SHROOM3: variants seen among roughly 807,000 people sequenced by gnomAD.
SHROOM3 encodes protein Shroom3.
In SHROOM3, 47 loss-of-function variants were observed where a neutral mutation model predicts 138.6. That is an observed-to-expected ratio of 0.34 (90% CI 0.27 to 0.43). The LOEUF (loss-of-function observed/expected upper bound fraction) is 0.43, where lower values mean the gene tolerates loss of function less well. Ranked by LOEUF, SHROOM3 falls within the 20% of genes least tolerant of loss-of-function variation. The pLI is 1.00. For missense variants in SHROOM3, 2,491 were observed against 2,596.5 expected (o/e 0.96, Z 0.88); for synonymous variants, 1,062 against 1,063.3 (o/e 1.00, Z 0.02).
chr4:76,468,653 T>A (rs1731297432), intron 1 of SHROOM3, among the ~76,000 whole-genome samples: 1 of 151,896 alleles, frequency 6.6e-6, no homozygotes, highest in Non-Finnish European at 1.5e-5. Context: ...AGCAAGATTA[T>A]GTTGTTAAAG....
At position 76,759,645 on chromosome 4, in the gene SHROOM3, C is replaced by A; in HGVS notation, c.5299C>A (p.Pro1767Thr). The A allele has an allele frequency of 6.2e-7, 1 of 1,614,020 alleles. No homozygotes were observed. Among genetic ancestry groups the A allele is most frequent in the Non-Finnish European group, 8.5e-7 (1 of 1,180,012 alleles). The change falls in exon 9 of 11, where the codon CCA (proline) becomes ACA (threonine). Residue 1767 changes from proline to threonine, a missense_variant. Pro to Thr is a conservative substitution (Grantham distance 38, BLOSUM62 -1). Coordinates refer to ENST00000296043, the MANE Select transcript of SHROOM3 (RefSeq NM_020859.4). ...GCTACTGAACAAAATCAAAGAGATGCCAGCAGAAGTGAATGAGGAAGAGGA... is the reference window on the plus strand; with the variant it reads ...GCTACTGAACAAAATCAAAGAGATGACAGCAGAAGTGAATGAGGAAGAGGA... ...AELLNKIKEM[P>T]AEVNEEEEQA...
At chr4:76,777,899 C>T (rs1254158441) in intron 10 of SHROOM3, among the ~76,000 whole-genome samples, 3 of 152,120 alleles carry the variant, frequency 2.0e-5, no homozygotes, top group Non-Finnish European at 1.5e-5. Flanking sequence ...CATTGTTGAA[C>T]AGAATTTCTC....
chr4:76,710,345 C>A, intron 3 of SHROOM3, 58 bp downstream of exon 3: 3 of 1,605,168 alleles, frequency 1.9e-6, no homozygotes, highest in South Asian at 1.1e-5. Context: ...TCCAAAAAGC[C>A]ACTCAGCTGC....
At chr4:76,480,847 C>T (rs1731593497) in intron 1 of SHROOM3, among the ~76,000 whole-genome samples, 1 of 152,172 alleles carries the variant, frequency 6.6e-6, no homozygotes, top group Non-Finnish European at 1.5e-5. Flanking sequence ...AACCGAACAG[C>T]TACATGGAAA....
At position 76,782,334 on chromosome 4, in the gene SHROOM3, A is replaced by C. The variant is rs896277637; in HGVS notation, c.*3157A>C. The C allele has an allele frequency of 6.6e-6, 1 of 152,342 alleles. No individual in the cohort carries two copies. Among genetic ancestry groups the C allele is most frequent in the Admixed American group, 6.5e-5 (1 of 15,300 alleles). The allele number at this position is 152,342 out of a possible 1,614,324, so 9.4% of individuals were successfully genotyped here. On this transcript the variant is annotated 3_prime_UTR_variant, in exon 11 of 11. Transcript: ENST00000296043. ...AACAAGTTTGGGTCCACCCCTAAGA[A>C]TCAGTGGCTGTCTTTTAAGGTGAGG...
intron 2 of SHROOM3, among the ~76,000 whole-genome samples, chr4:76,682,565 C>T: frequency 6.6e-6 from 1 of 151,844 alleles, no homozygotes; most frequent in Admixed American, 6.6e-5. Flanking sequence ...TATCCCTATC[C>T]CTGGCATATA....
intron 3 of SHROOM3, among the ~76,000 whole-genome samples, chr4:76,729,980 A>C (rs997845129): frequency 6.6e-6 from 1 of 152,218 alleles, no homozygotes; most frequent in African/African-American, 2.4e-5. Context: ...ACAGTCTTAC[A>C]GTTCAAGAAT....
chr4:76,716,193 C>T, intron 3 of SHROOM3: 1 of 425,350 alleles, frequency 2.4e-6, no homozygotes, highest in Non-Finnish European at 4.7e-6. Context: ...ACAGAGGGGA[C>T]TGGCATTGAG....
At chr4:76,716,419 A>G (rs1332423990) in intron 3 of SHROOM3, 2 of 518,868 alleles carry the variant, frequency 3.9e-6, no homozygotes, top group South Asian at 1.4e-5. Flanking sequence ...AGGTAAGTTC[A>G]GTATTGTGTT....
At chr4:76,483,886 A>C (rs1473354330) in intron 1 of SHROOM3, among the ~76,000 whole-genome samples, 1 of 152,010 alleles carries the variant, frequency 6.6e-6, no homozygotes, top group Non-Finnish European at 1.5e-5. Flanking sequence ...GCAAACTAAC[A>C]CAGTAACAGA....
intron 7 of SHROOM3, 30 bp from the exon 8 acceptor site, chr4:76,756,413 CTCTCTT>C (rs771504689): frequency 1.5e-5 from 23 of 1,512,496 alleles, no homozygotes; most frequent in Admixed American, 2.0e-5. Flanking sequence ...CTTTCTCTCT[CTCTCTT>C]TTTTTTTTTT....
At chr4:76,505,573 T>C (rs976585798) in intron 1 of SHROOM3, among the ~76,000 whole-genome samples, 1 of 151,208 alleles carries the variant, frequency 6.6e-6, no homozygotes, top group Non-Finnish European at 1.5e-5. Flanking sequence ...TAATAAATAA[T>C]AATACAACAA....
chr4:76,712,610 A>G (rs1301044993), intron 3 of SHROOM3, among the ~76,000 whole-genome samples: 1 of 152,238 alleles, frequency 6.6e-6, no homozygotes, highest in Non-Finnish European at 1.5e-5. Context: ...TATGGAGAAC[A>G]TAAGCGACAA....
chr4:76,582,570 C>T (rs1248538317), intron 2 of SHROOM3, among the ~76,000 whole-genome samples: 1 of 152,148 alleles, frequency 6.6e-6, no homozygotes, highest in African/African-American at 2.4e-5. Flanking sequence ...AACAGAGTAA[C>T]ATAAAACTCT....
chr4:76,731,285 C>A (rs1181263431), intron 4 of SHROOM3, among the ~76,000 whole-genome samples: 1 of 152,124 alleles, frequency 6.6e-6, no homozygotes, highest in Non-Finnish European at 1.5e-5. Context: ...CTGCCTTAGT[C>A]AAAACCGTAT....
At chr4:76,675,217 C>G (rs143419100) in intron 2 of SHROOM3, among the ~76,000 whole-genome samples, 1 of 152,074 alleles carries the variant, frequency 6.6e-6, no homozygotes, top group African/African-American at 2.4e-5. Context: ...AGTCCAGATG[C>G]GTATTAGCAC....
At chr4:76,699,260 T>C (rs1452683263) in intron 2 of SHROOM3, among the ~76,000 whole-genome samples, 1 of 152,228 alleles carries the variant, frequency 6.6e-6, no homozygotes, top group Non-Finnish European at 1.5e-5. Context: ...CTGTCTTTTA[T>C]TCTACACCAA....
intron 2 of SHROOM3, among the ~76,000 whole-genome samples, chr4:76,610,587 T>G (rs1395278224): frequency 6.6e-6 from 1 of 152,230 alleles, no homozygotes; most frequent in Admixed American, 6.5e-5. Context: ...CCACAAATCT[T>G]GATACACTCT....
intron 2 of SHROOM3, among the ~76,000 whole-genome samples, chr4:76,607,272 C>T (rs1294737579): frequency 6.6e-6 from 1 of 152,098 alleles, no homozygotes; most frequent in African/African-American, 2.4e-5. Flanking sequence ...TGGAAATAAA[C>T]AAAGCCAAGA....
Sources: gnomAD v4.1 joint callset for allele counts (sites outside exome capture counted in the v4.1 genomes callset) on GRCh38, gnomAD v4.1.1 for gene constraint, MANE v1.5 for transcripts, NCBI Gene and HGNC (gene_info 2026-07-23, HGNC 2026-07-21) for gene names.